Variants in GPR143 observed in about 807,000 individuals in gnomAD.
GPR143 encodes the protein G-protein coupled receptor 143.
A neutral mutation model predicts 27.6 loss-of-function variants in GPR143; 8 were observed. That is an observed-to-expected ratio of 0.29 (90% CI 0.17 to 0.52). The LOEUF (loss-of-function observed/expected upper bound fraction) is 0.52. Ranked by LOEUF, GPR143 falls within the 20% of genes least tolerant of loss-of-function variation. The pLI is 0.96. For synonymous variants in GPR143, 156 were observed against 153.2 expected (o/e 1.02, Z -0.13); for missense variants, 303 against 343.1 (o/e 0.88, Z 0.92).
chrX:9,736,095 T>C (rs967184029), intron 8 of GPR143, among the ~76,000 whole-genome samples: 11 of 110,604 alleles, frequency 9.9e-5, no homozygotes, highest in African/African-American at 3.0e-4. Context: ...GAATGACACC[T>C]GCGTTTCCCC....
At chrX:9,776,665 AGGT>A (rs373401433) in intron 1 of GPR143, among the ~76,000 whole-genome samples, 71 of 106,870 alleles carry the variant, frequency 6.6e-4, no homozygotes, top group African/African-American at 2.3e-3. Context: ...CTGGGATTAC[AGGT>A]GTGAGTCACT....
chrX:9,764,512 A>G (rs1284591768), intron 1 of GPR143, among the ~76,000 whole-genome samples: 5 of 10,388 alleles, frequency 4.8e-4, no homozygotes, highest in Admixed American at 1.6e-3. Flanking sequence ...GCGCACACAC[A>G]CACACACACA....
chrX:9,753,533 G>A (rs2050897521), intron 3 of GPR143, among the ~76,000 whole-genome samples: 1 of 110,775 alleles, frequency 9.0e-6, no homozygotes, highest in Non-Finnish European at 1.9e-5. Flanking sequence ...GCTGTGCTTG[G>A]GCTTGTCTGG....
intron 3 of GPR143, among the ~76,000 whole-genome samples, chrX:9,750,944 G>A (rs1315147054): frequency 3.6e-5 from 4 of 112,520 alleles, no homozygotes; most frequent in Non-Finnish European, 7.5e-5. Context: ...TGCACCTCAC[G>A]GGCACAGCAC....
At chrX:9,761,490 G>T (rs1250098161) in intron 1 of GPR143, among the ~76,000 whole-genome samples, 2 of 112,536 alleles carry the variant, frequency 1.8e-5, no homozygotes, top group African/African-American at 6.4e-5. Flanking sequence ...TTGTCTGTTG[G>T]TTTACTTGCA....
intron 8 of GPR143, among the ~76,000 whole-genome samples, chrX:9,728,634 T>C (rs2083339758): frequency 2.5e-5 from 1 of 40,731 alleles, no homozygotes; most frequent in Admixed American, 3.6e-4. Flanking sequence ...ATAGACCCTA[T>C]CTCTTAAAAA....
At chrX:9,731,149 G>A (rs762973200) in intron 8 of GPR143, among the ~76,000 whole-genome samples, 2 of 111,882 alleles carry the variant, frequency 1.8e-5, no homozygotes, top group Non-Finnish European at 3.8e-5. Flanking sequence ...AGGCCTGTTG[G>A]GATATGGAAT....
chrX:9,774,747 A>G (rs2083565633), intron 1 of GPR143, among the ~76,000 whole-genome samples: 1 of 112,923 alleles, frequency 8.9e-6, no homozygotes, highest in Non-Finnish European at 1.9e-5. Context: ...AAACTTTGAG[A>G]AAGTAAAACT....
intron 7 of GPR143, among the ~76,000 whole-genome samples, chrX:9,740,214 G>T (rs949839333): frequency 9.0e-6 from 1 of 111,731 alleles, no homozygotes; most frequent in African/African-American, 3.3e-5. Context: ...TGTAATAAAG[G>T]TTCCTGAGGC....
intron 1 of GPR143, among the ~76,000 whole-genome samples, chrX:9,761,380 C>T (rs958001220): frequency 3.6e-5 from 4 of 112,552 alleles, no homozygotes; most frequent in Non-Finnish European, 3.8e-5. Flanking sequence ...CGTGAGCCAC[C>T]GCGCCTGGCC....
At chrX:9,772,003 G>A (rs988987900) in intron 1 of GPR143, among the ~76,000 whole-genome samples, 2 of 110,955 alleles carry the variant, frequency 1.8e-5, no homozygotes, top group African/African-American at 6.6e-5. Flanking sequence ...GAGCCACCGC[G>A]CCCGGCTGGA....
chrX:9,742,981 C>A (rs1395001968), intron 6 of GPR143, among the ~76,000 whole-genome samples: 1 of 111,128 alleles, frequency 9.0e-6, no homozygotes, highest in African/African-American at 3.3e-5. Flanking sequence ...GTGGCACACA[C>A]CTGTAATCCC....
At chrX:9,775,088 C>G (rs1487567173) in intron 1 of GPR143, among the ~76,000 whole-genome samples, 1 of 111,660 alleles carries the variant, frequency 9.0e-6, no homozygotes, top group Non-Finnish European at 1.9e-5. Flanking sequence ...TCTGGAACTC[C>G]TGGCCTCAAG....
intron 8 of GPR143, among the ~76,000 whole-genome samples, chrX:9,734,021 G>A (rs1457155255): frequency 9.5e-6 from 1 of 104,988 alleles, no homozygotes; most frequent in African/African-American, 3.5e-5. Context: ...CAGAGGTTGT[G>A]GTGAGCTTAG....
chrX:9,750,142 T>C (rs1021245200), intron 3 of GPR143, among the ~76,000 whole-genome samples: 1 of 112,554 alleles, frequency 8.9e-6, no homozygotes, highest in Non-Finnish European at 1.9e-5. Flanking sequence ...GACATTTAGG[T>C]TGTTTCCACT....
chrX:9,778,263 C>A (rs1322716892), intron 1 of GPR143, among the ~76,000 whole-genome samples: 2 of 111,843 alleles, frequency 1.8e-5, no homozygotes, highest in Non-Finnish European at 3.8e-5. Flanking sequence ...CACTGGGATG[C>A]CCATTCTGGC....
chrX:9,765,023 CA>C (rs549035721), intron 1 of GPR143, among the ~76,000 whole-genome samples: 5,134 of 86,154 alleles, frequency 0.06, 378 homozygotes, highest in African/African-American at 0.2. Context: ...GACTCCGTCT[CA>C]AAAAAAAAAA....
chrX:9,735,697 G>A (rs1250557896), intron 8 of GPR143, among the ~76,000 whole-genome samples: 4 of 112,219 alleles, frequency 3.6e-5, no homozygotes, highest in African/African-American at 6.5e-5. Context: ...GAAGTACCTA[G>A]TAAGTTCCAG....
At position 9,748,581 on chromosome X, in the gene GPR143, C is replaced by T. The variant is rs200870584; in HGVS notation, c.541G>A (p.Val181Met). ...EGAAMLYYPS[V>M]SRCERGLDHA... ...GCTGGAGTCCCAACTTACCTGGACA[C>T]GGAAGGGTAGTAGAGCATGGCGGCT... The change falls in exon 4 of 9, where the codon GTG becomes ATG. Residue 181 changes from valine (V) to methionine (M), a missense_variant. By Grantham distance (21) the Val-to-Met change is conservative (BLOSUM62 1). Coordinates refer to ENST00000467482, the MANE Select transcript of GPR143 (RefSeq NM_000273.3). 3.2e-4 allele frequency: 381 copies of T among 1,194,790 alleles called. No homozygotes were observed. The highest frequency in any genetic ancestry group is 4.1e-4 in the Non-Finnish European group (364 of 880,993).
Sources: allele counts gnomAD v4.1 joint callset (sites outside exome capture counted in the v4.1 genomes callset), GRCh38; gene constraint gnomAD v4.1.1; transcripts MANE v1.5; gene names NCBI Gene and HGNC (gene_info 2026-07-23, HGNC 2026-07-21).